CCDC3: variants seen among roughly 807,000 people sequenced by gnomAD.
CCDC3 encodes coiled-coil domain containing 3, also known as coiled-coil domain-containing protein 3.
Under a neutral mutation model 21.4 loss-of-function variants are expected in CCDC3, and 24 were observed. The ratio of observed to expected loss-of-function variants is 1.12; its 90% confidence interval spans 0.81 to 1.58. The LOEUF (loss-of-function observed/expected upper bound fraction) is 1.58. Among genes scored for constraint, CCDC3 ranks in the 40% most tolerant of loss-of-function variants. The pLI is 0.00. For synonymous variants in CCDC3, 186 were observed against 166.0 expected, an observed-to-expected ratio of 1.12 and a Z score of -0.93; for missense variants, 425 against 360.9, an observed-to-expected ratio of 1.18 and a Z score of -1.44.
In CCDC3 at chr10:12,915,198, A is replaced by AC. The variant is rs1834332576; in HGVS notation, c.550-16520_550-16519insG. On this transcript the variant is annotated intron_variant, in intron 2 of 2. Coordinates refer to ENST00000378825, the MANE Select transcript of CCDC3 (RefSeq NM_031455.4). Reference sequence around the variant, plus strand: ...AAACCAGAATTGATTTCTGGTTTCAAACGATTGTGGTTAAAAAAGATACTC... The same window carrying AC: ...AAACCAGAATTGATTTCTGGTTTCAACACGATTGTGGTTAAAAAAGATACTC... Among the ~76,000 whole-genome samples the AC allele has an allele frequency of 3.3e-5, 5 of 152,330 alleles. No homozygotes were observed. In the South Asian group the frequency reaches 1.0e-3, roughly 32 times the overall value.
At chr10:13,057,146 T>C (rs1273133013) in intron 4 of CCDC3, among the ~76,000 whole-genome samples, 1 of 151,862 alleles carries the variant, frequency 6.6e-6, no homozygotes, top group Non-Finnish European at 1.5e-5. Flanking sequence ...TTTTTTTAAA[T>C]AGCCAGGTGT....
intron 5 of CCDC3, among the ~76,000 whole-genome samples, chr10:13,010,600 A>G (rs1690149106): frequency 6.6e-6 from 1 of 152,144 alleles, no homozygotes; most frequent in African/African-American, 2.4e-5. Context: ...AAGCCATTCC[A>G]CTCCTAGGGA....
At chr10:12,941,004 G>A (rs1044661735) in intron 2 of CCDC3, among the ~76,000 whole-genome samples, 1 of 152,184 alleles carries the variant, frequency 6.6e-6, no homozygotes, top group African/African-American at 2.4e-5. Flanking sequence ...ATTTTGTGTA[G>A]AGGCTGGGTA....
intron 2 of CCDC3, among the ~76,000 whole-genome samples, chr10:12,945,413 T>C (rs1473356207): frequency 6.6e-6 from 1 of 150,958 alleles, no homozygotes; most frequent in Non-Finnish European, 1.5e-5. Flanking sequence ...AAAAAAAGTA[T>C]AGGGAAAAAA....
chr10:12,964,154 C>G (rs930722536), intron 2 of CCDC3, among the ~76,000 whole-genome samples: 2 of 152,050 alleles, frequency 1.3e-5, no homozygotes, highest in Non-Finnish European at 2.9e-5. Context: ...AAGCGGATCA[C>G]TTGAGGTCGG....
chr10:12,914,664 A>G (rs1834323224), intron 2 of CCDC3, among the ~76,000 whole-genome samples: 1 of 152,032 alleles, frequency 6.6e-6, no homozygotes, highest in Non-Finnish European at 1.5e-5. Context: ...GGCTGTTTTC[A>G]AACTCCTGGC....
intron 2 of CCDC3, among the ~76,000 whole-genome samples, chr10:12,979,969 T>C (rs1835471348): frequency 6.6e-6 from 1 of 152,202 alleles, no homozygotes. Flanking sequence ...GATTATTGCA[T>C]TTAAGGTCAA....
At chr10:12,974,030 C>T (rs908511594) in intron 2 of CCDC3, among the ~76,000 whole-genome samples, 3 of 152,148 alleles carry the variant, frequency 2.0e-5, no homozygotes, top group African/African-American at 7.2e-5. Flanking sequence ...TACAAGCACT[C>T]CAAGAACCAG....
intron 5 of CCDC3, among the ~76,000 whole-genome samples, chr10:13,020,111 T>C (rs915229132): frequency 2.6e-5 from 4 of 152,202 alleles, no homozygotes; most frequent in Non-Finnish European, 5.9e-5. Context: ...TACAGATCCA[T>C]TTTTCTTCAA....
chr10:13,018,636 A>G (rs1836102620), intron 5 of CCDC3, among the ~76,000 whole-genome samples: 2 of 152,158 alleles, frequency 1.3e-5, no homozygotes, highest in South Asian at 4.1e-4. Context: ...TGGACTATTG[A>G]AAAATGAATA....
rs190235004 is a variant in CCDC3 at position 13,022,270 on chromosome 10, C to T, written c.-1-23758G>A. ...CTCTCTCTTTTTTTCACCCCTTCCA[C>T]ACCTATAAGGGCATGCTCAAGCAGG... On this transcript the variant is annotated intron_variant, in intron 5 of 6. Coordinates refer to the CCDC3 transcript ENST00000378839. 1.6e-3 allele frequency among the ~76,000 whole-genome samples: 245 copies of T among 152,274 alleles called. 1 individual carries two copies. Among genetic ancestry groups the T allele is most frequent in the African/African-American group, 5.4e-3 (223 of 41,548 alleles).
At chr10:12,937,931 T>C (rs942906743) in intron 2 of CCDC3, among the ~76,000 whole-genome samples, 5 of 152,174 alleles carry the variant, frequency 3.3e-5, no homozygotes, top group Admixed American at 2.6e-4. Flanking sequence ...GTCCCTTTGG[T>C]CTTCCATCCC....
intron 2 of CCDC3, among the ~76,000 whole-genome samples, chr10:12,931,443 A>T (rs1293558438): frequency 6.6e-6 from 1 of 152,166 alleles, no homozygotes; most frequent in African/African-American, 2.4e-5. Flanking sequence ...CCTTGTATTG[A>T]CCCTTCTGAA....
At chr10:13,033,283 G>A (rs543537286) in intron 5 of CCDC3, among the ~76,000 whole-genome samples, 122 of 152,278 alleles carry the variant, frequency 8.0e-4, no homozygotes, top group African/African-American at 2.8e-3. Flanking sequence ...AAACTGGCTA[G>A]CCATATGTAG....
intron 3 of CCDC3, among the ~76,000 whole-genome samples, chr10:13,086,458 G>T (rs61448389): frequency 0.021 from 3,124 of 152,168 alleles, 99 homozygotes; most frequent in African/African-American, 0.071. Context: ...TCTGCAAAAG[G>T]TTTCTTTCTT....
chr10:12,916,655 G>A (rs1007890563), intron 2 of CCDC3, among the ~76,000 whole-genome samples: 4 of 152,094 alleles, frequency 2.6e-5, no homozygotes, highest in Non-Finnish European at 4.4e-5. Context: ...GGGGCCAGGG[G>A]TGCCAACCTG....
intron 5 of CCDC3, among the ~76,000 whole-genome samples, chr10:13,035,385 A>T (rs1364480729): frequency 1.3e-5 from 2 of 152,248 alleles, no homozygotes; most frequent in Non-Finnish European, 2.9e-5. Flanking sequence ...AAATAAAATA[A>T]AATAAAAAAT....
At chr10:13,085,401 C>T (rs758113196) in intron 3 of CCDC3, among the ~76,000 whole-genome samples, 1 of 152,232 alleles carries the variant, frequency 6.6e-6, no homozygotes, top group African/African-American at 2.4e-5. Flanking sequence ...AACAATTCCA[C>T]ACCCTGTTAC....
At chr10:12,972,271 T>G (rs1245573701) in intron 2 of CCDC3, among the ~76,000 whole-genome samples, 2 of 152,088 alleles carry the variant, frequency 1.3e-5, no homozygotes, top group African/African-American at 4.8e-5. Context: ...GCCTCCAGCT[T>G]CCTCTTCCCC....
Sources: gnomAD v4.1 joint callset for allele counts (sites outside exome capture counted in the v4.1 genomes callset) on GRCh38, gnomAD v4.1.1 for gene constraint, MANE v1.5 for transcripts, NCBI Gene and HGNC (gene_info 2026-07-23, HGNC 2026-07-21) for gene names.